The following OTC variants were observed in gnomAD, a reference collection of about 807,000 sequenced individuals.
The protein encoded by OTC is ornithine transcarbamylase, also known as ornithine transcarbamylase, mitochondrial.
Under a neutral mutation model 30.3 loss-of-function variants are expected in OTC, and 3 were observed. That is an observed-to-expected ratio of 0.10 (90% confidence interval 0.05 to 0.26). The LOEUF (loss-of-function observed/expected upper bound fraction) is 0.26. Among genes scored for constraint, OTC ranks in the 10% least tolerant of loss-of-function variants. The pLI is 1.00. For missense variants in OTC, 194 were observed against 260.3 expected (o/e 0.75, Z 1.75); for synonymous variants, 111 against 99.7 (o/e 1.11, Z -0.67).
At chrX:38,362,441 T>TAGAGTC (rs1338446914) in intron 1 of OTC, among the ~76,000 whole-genome samples, 1 of 111,808 alleles carries the variant, frequency 8.9e-6, no homozygotes, top group African/African-American at 3.3e-5. Context: ...ATGGAAAGTC[T>TAGAGTC]AGAGTCAGAA....
chrX:38,403,437 G>A (rs1428288365), intron 5 of OTC, among the ~76,000 whole-genome samples, 181 bp from the exon 6 acceptor site: 1 of 76,194 alleles, frequency 1.3e-5, no homozygotes, highest in Non-Finnish European at 2.3e-5. Context: ...ATTTTACCAC[G>A]TTTTTGGGAT....
intron 3 of OTC, among the ~76,000 whole-genome samples, chrX:38,374,525 T>C (rs1214428867): frequency 9.0e-6 from 1 of 111,353 alleles, no homozygotes; most frequent in East Asian, 2.8e-4. Context: ...TTAATCTTTT[T>C]CATGAACTGC....
the OTC span, among the ~76,000 whole-genome samples, chrX:38,345,325 C>T: frequency 3.6e-5 from 4 of 111,330 alleles, no homozygotes; most frequent in African/African-American, 6.5e-5. Flanking sequence ...TAAACAAAGA[C>T]GGTAACACCC....
intron 9 of OTC, among the ~76,000 whole-genome samples, chrX:38,416,548 A>G (rs892212388): frequency 8.9e-6 from 1 of 112,233 alleles, no homozygotes; most frequent in Non-Finnish European, 1.9e-5. Flanking sequence ...TCTTAAGTCC[A>G]AAACACCATT....
intron 1 of OTC, among the ~76,000 whole-genome samples, chrX:38,357,164 G>A (rs968607191): frequency 8.9e-6 from 1 of 111,756 alleles, no homozygotes; most frequent in Non-Finnish European, 1.9e-5. Context: ...ATTGAGGCTC[G>A]AGATGGCAAA....
At chrX:38,336,888 C>T in the OTC span, among the ~76,000 whole-genome samples, 1 of 111,960 alleles carries the variant, frequency 8.9e-6, no homozygotes, top group African/African-American at 3.3e-5. Context: ...AAAAAAAGAT[C>T]AGTCTCCACT....
At chrX:38,328,971 A>G in the OTC span, among the ~76,000 whole-genome samples, 16 of 112,634 alleles carry the variant, frequency 1.4e-4, no homozygotes, top group Non-Finnish European at 2.8e-4. Flanking sequence ...TTAGAGCAAC[A>G]GCAAAGATAG....
intron 2 of OTC, among the ~76,000 whole-genome samples, chrX:38,369,137 C>T (rs1474300088): frequency 9.0e-6 from 1 of 110,836 alleles, no homozygotes; most frequent in East Asian, 2.8e-4. Context: ...CACCTCCAAA[C>T]CAAACACCTT....
rs910340085 is a variant in OTC, at chrX:38,403,562, C to T, written c.541-56C>T. ...CTATTTATTTTAACCTTAGTAATTG[C>T]TACACATAAGCGAATTTACGCCTGG... On this transcript the variant is annotated intron_variant, in intron 5 of 9. Coordinates refer to ENST00000039007, the MANE Select transcript of OTC (RefSeq NM_000531.6). 4.3e-6 allele frequency: 5 copies of T among 1,158,828 alleles called. No individual in the cohort carries two copies. The African/African-American group carries it at 8.9e-5, about 21-fold the overall frequency.
At chrX:38,386,160 G>A (rs1377336250) in intron 4 of OTC, among the ~76,000 whole-genome samples, 1 of 108,401 alleles carries the variant, frequency 9.2e-6, no homozygotes, top group Non-Finnish European at 1.9e-5. Flanking sequence ...AGATCGCGAG[G>A]TCAGGAGTTT....
At chrX:38,379,092 A>G (rs1188094240) in intron 3 of OTC, among the ~76,000 whole-genome samples, 1 of 111,670 alleles carries the variant, frequency 9.0e-6, no homozygotes, top group Non-Finnish European at 1.9e-5. Flanking sequence ...TGTTCATTAC[A>G]GGTCCCATAG....
intron 4 of OTC, among the ~76,000 whole-genome samples, chrX:38,382,770 C>G (rs12854106): frequency 8.9e-6 from 1 of 112,126 alleles, no homozygotes; most frequent in African/African-American, 3.2e-5. Context: ...CAGTGAGGAT[C>G]CTCTATATAG....
chrX:38,411,651 G>A (rs1455563629), intron 8 of OTC, among the ~76,000 whole-genome samples: 2 of 106,822 alleles, frequency 1.9e-5, no homozygotes, highest in Non-Finnish European at 3.8e-5. Context: ...GGGTGACAGA[G>A]CGAGACTCTG....
rs73196217 is a variant in OTC at position 38,371,066 on chromosome X, C to G, written c.298+1189C>G. On this transcript the variant is annotated intron_variant, in intron 3 of 9. Coordinates refer to ENST00000039007, the MANE Select transcript of OTC (RefSeq NM_000531.6). ...CATGGAGCTTTCCAGCATGCCCCCC[C>G]ATCCTTCAGAAGTTGACTTGGGGAA... Among the ~76,000 whole-genome samples, 3 of 111,146 alleles carry G rather than the reference C, an allele frequency of 2.7e-5. No homozygotes were observed. In the South Asian group the frequency reaches 1.1e-3, roughly 43 times the overall value.
intron 4 of OTC, among the ~76,000 whole-genome samples, chrX:38,386,118 T>C (rs1055016460): frequency 9.4e-6 from 1 of 106,864 alleles, no homozygotes; most frequent in African/African-American, 3.4e-5. Context: ...CTCATGCCTG[T>C]AATCCCAGCA....
chrX:38,340,731 G>A, the OTC span, among the ~76,000 whole-genome samples: 12 of 109,999 alleles, frequency 1.1e-4, no homozygotes, highest in Admixed American at 1.9e-4. Context: ...CTTAATGAAC[G>A]TTCCATTATA....
the OTC span, among the ~76,000 whole-genome samples, chrX:38,331,259 G>C: frequency 9.1e-6 from 1 of 109,431 alleles, no homozygotes; most frequent in African/African-American, 3.3e-5. Flanking sequence ...TATCTATATA[G>C]TATTTTTTTT....
upstream of OTC, among the ~76,000 whole-genome samples, chrX:38,350,277 C>A (rs993240241): frequency 8.9e-6 from 1 of 111,818 alleles, no homozygotes; most frequent in Non-Finnish European, 1.9e-5. Context: ...AGGAACTCAT[C>A]ATTCCTGTTT....
At chrX:38,405,256 C>T (rs890026472) in intron 6 of OTC, among the ~76,000 whole-genome samples, 8 of 111,899 alleles carry the variant, frequency 7.1e-5, no homozygotes, top group Non-Finnish European at 1.5e-4. Context: ...ATTCTTAGGG[C>T]TGCCATAACA....
Sources: gnomAD v4.1 joint callset for allele counts (sites outside exome capture counted in the v4.1 genomes callset) on GRCh38, gnomAD v4.1.1 for gene constraint, MANE v1.5 for transcripts, NCBI Gene and HGNC (gene_info 2026-07-23, HGNC 2026-07-21) for gene names.